PMPCA: variants seen among roughly 807,000 people sequenced by gnomAD.
The protein encoded by PMPCA is mitochondrial-processing peptidase subunit alpha.
A neutral mutation model predicts 59.3 loss-of-function variants in PMPCA; 47 were observed. The observed-to-expected ratio is 0.79, with a 90% CI of 0.63 to 1.01. The LOEUF (loss-of-function observed/expected upper bound fraction) is 1.01. Among genes scored for constraint, PMPCA ranks in the 50% least tolerant of loss-of-function variants. The pLI is 0.00. For missense variants in PMPCA, 726 were observed against 704.5 expected, an observed-to-expected ratio of 1.03 and a Z score of -0.34; for synonymous variants, 338 against 290.3, an observed-to-expected ratio of 1.16 and a Z score of -1.67.
In PMPCA at chr9:136,423,178, A is replaced by C; in HGVS notation, c.1492A>C (p.Thr498Pro). Residue 498 changes from threonine to proline, a missense_variant, in exon 13 of 13, where the codon ACT becomes CCT. Physicochemically the swap from Thr to Pro is conservative, Grantham distance 38. Transcript: ENST00000371717. ...KPAVAALGDL[T>P]DLPTYEHIQT... ...GGCAGTGGCCGCCCTGGGTGACCTG[A>C]CTGACCTGCCCACGTATGAGCACAT... 6.2e-7 allele frequency: 1 copy of C among 1,613,768 alleles called. No individual in the cohort carries two copies. The highest frequency in any genetic ancestry group is 8.5e-7 in the Non-Finnish European group (1 of 1,180,024).
Position 136,419,106 on chromosome 9 carries a change from G to A in PMPCA, c.1263G>A (p.Thr421=), listed in dbSNP as rs1835372043. The change falls in exon 11 of 13, where the codon ACG becomes ACA. Residue 421 remains threonine, a splice_region_variant and synonymous_variant. Coordinates refer to ENST00000371717, the MANE Select transcript of PMPCA (RefSeq NM_015160.3). The part of the protein sequence containing the change: ...EFILMGGTVD[T]VELERAKTQL... The stretch of plus-strand genomic sequence containing the variant: ...TTTTAATGGGCGGAACCGTGGACAC[G>A]GTAAGTGCAGTGTGGCGCCATTTCC... 1.9e-6 allele frequency: 3 copies of A among 1,612,630 alleles called. No individual in the cohort carries two copies. Among genetic ancestry groups the A allele is most frequent in the Non-Finnish European group, 2.5e-6 (3 of 1,178,608 alleles).
intron 12 of PMPCA, chr9:136,422,884 A>G (rs536336373): frequency 1.2e-5 from 16 of 1,385,560 alleles, no homozygotes; most frequent in Middle Eastern, 2.7e-4. Flanking sequence ...AGTCATTGCC[A>G]TGTCCCCATT....
chr9:136,412,679 TAATA>T (rs1403457927), intron 3 of PMPCA, 110 bp downstream of exon 3: 1 of 790,136 alleles, frequency 1.3e-6, no homozygotes, highest in Non-Finnish European at 2.2e-6. Flanking sequence ...AAGTTAATGT[TAATA>T]AAAGACTTTT....
Position 136,423,070 on chromosome 9 carries a change from GAC to G in PMPCA, c.1409-22_1409-21del, listed in dbSNP as rs1312906092. The G allele has an allele frequency of 3.1e-6, 5 of 1,600,424 alleles. No individual in the cohort carries two copies. The East Asian group carries it at 9.0e-5, about 29-fold the overall frequency. On this transcript the variant is annotated intron_variant, in intron 12 of 12. Transcript: ENST00000371717. ...CGTGGGGGCCGTGGCGCGCTCGTGT[GAC>G]ACGCGTTTGCCCTCTGCACTAGGCA...
In PMPCA at chr9:136,418,553, A is replaced by C. The variant is rs1835350221; in HGVS notation, c.991-2A>C. The C allele has an allele frequency of 6.3e-7, 1 of 1,585,374 alleles. No individual in the cohort carries two copies. The highest frequency in any genetic ancestry group is 1.3e-5 in the African/African-American group (1 of 74,290). Reference sequence around the variant, plus strand: ...AGCCAGCTCTGCCCTCCGTCCCTGCAGGAGGAGGACTTCATCCCCTTTGCA... The same window carrying C: ...AGCCAGCTCTGCCCTCCGTCCCTGCCGGAGGAGGACTTCATCCCCTTTGCA... On this transcript the variant is annotated splice_acceptor_variant, in intron 8 of 12. Transcript: ENST00000371717. LOFTEE classifies it high-confidence loss of function.
rs777420674 is a variant in PMPCA at position 136,414,473 on chromosome 9, C to T, written c.438-80C>T. 3.6e-5 allele frequency: 34 copies of T among 932,872 alleles called. No homozygotes were observed. In the Middle Eastern group the frequency reaches 9.6e-4, roughly 26 times the overall value. 57.8% of individuals were successfully genotyped at this position (932,872 alleles called of 1,614,324 possible). A position where few individuals can be genotyped will look rare whatever the true frequency, so the allele number is the denominator to read the frequency against. Reference sequence around the variant, plus strand: ...AGGGCCTGGCATTGTCCACCTGGCACGCAAAGCCCGAGCGTCCCCTGGCTG... The same window carrying T: ...AGGGCCTGGCATTGTCCACCTGGCATGCAAAGCCCGAGCGTCCCCTGGCTG... On this transcript the variant is annotated intron_variant, in intron 4 of 12. Transcript: ENST00000371717.
intron 12 of PMPCA, 148 bp downstream of exon 12, chr9:136,422,124 G>T (rs1216621905): frequency 7.1e-6 from 11 of 1,544,454 alleles, no homozygotes; most frequent in Non-Finnish European, 8.7e-6. Context: ...CTCAGCAGGG[G>T]CGGCCAAGGG....
intron 1 of PMPCA, among the ~76,000 whole-genome samples, chr9:136,411,597 G>T (rs532549687): frequency 6.6e-6 from 1 of 152,344 alleles, no homozygotes; most frequent in Admixed American, 6.5e-5. Context: ...CAAGAGATGA[G>T]TTTGGAGAGG....
At chr9:136,412,942 G>A (rs558316725) in intron 4 of PMPCA, 50 bp downstream of exon 4, 12 of 1,054,360 alleles carry the variant, frequency 1.1e-5, no homozygotes, top group East Asian at 4.7e-5. Context: ...GGGAACTGAC[G>A]TTCTTGTCGT....
intron 2 of PMPCA, 46 bp from the exon 3 acceptor site, chr9:136,412,444 A>G: frequency 1.1e-6 from 1 of 943,750 alleles, no homozygotes; most frequent in Non-Finnish European, 1.7e-6. Context: ...ATTAAATCTT[A>G]TTTTGAATAT....
rs142152064 is a variant in PMPCA, at chr9:136,417,064, C to T, written c.747C>T (p.Asp249=). The T allele has an allele frequency of 2.5e-4, 400 of 1,614,040 alleles. 1 individual carries two copies. The highest frequency in any genetic ancestry group is 1.8e-3 in the Middle Eastern group (11 of 6,046). Reference sequence around the variant, plus strand: ...ACCTGAGGAACTACTACACTCCCGACCGCATGGTGCTGGCCGGCGTGGGCG... The same window carrying T: ...ACCTGAGGAACTACTACACTCCCGATCGCATGGTGCTGGCCGGCGTGGGCG... ...HSYLRNYYTP[D]RMVLAGVGVE... is the part of the protein sequence containing the mutation. The change falls in exon 7 of 13, where the codon GAC becomes GAT. Residue 249 remains aspartate, a synonymous_variant. Transcript: ENST00000371717.
intron 8 of PMPCA, 144 bp from the exon 9 acceptor site, chr9:136,418,411 G>T: frequency 1.4e-6 from 1 of 695,540 alleles, no homozygotes. Context: ...GGCTCAGCCA[G>T]CTCTGCCCTC....
At chr9:136,417,253 A>T (rs755461881) in intron 7 of PMPCA, 39 bp downstream of exon 7, 1 of 1,521,144 alleles carries the variant, frequency 6.6e-7, no homozygotes, top group Non-Finnish European at 8.9e-7. Flanking sequence ...CGGGTGGGGA[A>T]CACGTCCCCT....
chr9:136,411,390 AG>A (rs1835108904), intron 1 of PMPCA: 2 of 154,660 alleles, frequency 1.3e-5, no homozygotes, highest in Admixed American at 1.3e-4. Flanking sequence ...AGAAAATAGC[AG>A]GAAAGACTAG....
At chr9:136,422,009 C>T in intron 12 of PMPCA, 33 bp downstream of exon 12, 1 of 1,581,548 alleles carries the variant, frequency 6.3e-7, no homozygotes, top group East Asian at 2.3e-5. Context: ...GGGGCTGCCG[C>T]AGGCCTCGGC....
chr9:136,423,142 C>T lies in PMPCA; in HGVS notation c.1456C>T (p.Arg486Ter), dbSNP rs763664183. ...GAAGAGAGTCGCTTCTAAGATGCTC[C>T]GAGGGAAGCCGGCAGTGGCCGCCCT... ...DVKRVASKML[R>*]GKPAVAALGD... Residue 486 changes from arginine to a stop codon, truncating the protein, a stop_gained, in exon 13 of 13, where the codon CGA (arginine) becomes TGA (stop). Transcript: ENST00000371717. LOFTEE classifies it high-confidence loss of function. The T allele has an allele frequency of 2.5e-6, 4 of 1,613,568 alleles. No individual in the cohort carries two copies. Among genetic ancestry groups the T allele is most frequent in the Non-Finnish European group, 2.5e-6 (3 of 1,179,982 alleles).
chr9:136,422,198 T>TG (rs767256915), intron 12 of PMPCA: 463 of 1,496,438 alleles, frequency 3.1e-4, no homozygotes, highest in Middle Eastern at 8.7e-4. Context: ...GCTGCCTCCT[T>TG]GGCAGGTGAC....
Position 136,422,316 on chromosome 9 carries a change from G to A in PMPCA, c.1408+340G>A, listed in dbSNP as rs73566918. The A allele has an allele frequency of 7.2e-3, 8,650 of 1,209,478 alleles. 515 individuals are homozygous for A. The African/African-American group carries it at 0.12, about 17-fold the overall frequency. 74.9% of individuals were successfully genotyped at this position (1,209,478 alleles called of 1,614,324 possible). A position where few individuals can be genotyped will look rare whatever the true frequency, so the allele number is the denominator to read the frequency against. ...TCAGTAGAGGACTGCTACATTGTAC[G>A]TGGAGTAGCAGTGGCTCGGAATGCC... On this transcript the variant is annotated intron_variant, in intron 12 of 12. Transcript: ENST00000371717.
chr9:136,419,507 A>G (rs1835387001), intron 11 of PMPCA: 2 of 332,412 alleles, frequency 6.0e-6, no homozygotes, highest in South Asian at 6.4e-5. Flanking sequence ...CAGCTCGCAC[A>G]GGTGGGCTGC....
Sources: allele counts gnomAD v4.1 joint callset (sites outside exome capture counted in the v4.1 genomes callset), GRCh38; gene constraint gnomAD v4.1.1; transcripts MANE v1.5; gene names NCBI Gene and HGNC (gene_info 2026-07-23, HGNC 2026-07-21).